Variants in ADGRB3 observed in about 807,000 individuals in gnomAD.
ADGRB3 encodes brain-specific angiogenesis inhibitor 3.
In ADGRB3, 37 loss-of-function variants were observed where a neutral mutation model predicts 193.4. The ratio of observed to expected loss-of-function variants is 0.19; its 90% CI spans 0.15 to 0.25. The LOEUF (loss-of-function observed/expected upper bound fraction) is 0.25, where lower values mean the gene tolerates loss of function less well. Ranked by LOEUF, ADGRB3 falls within the 10% of genes least tolerant of loss-of-function variation. ADGRB3 has a pLI of 1.00. For missense variants in ADGRB3, 1,637 were observed against 1,852.9 expected, an observed-to-expected ratio of 0.88 and a Z score of 2.14; for synonymous variants, 690 against 644.2, an observed-to-expected ratio of 1.07 and a Z score of -1.08.
At chr6:69,029,466 G>T (rs1770554005) in intron 13 of ADGRB3, among the ~76,000 whole-genome samples, 1 of 152,078 alleles carries the variant, frequency 6.6e-6, no homozygotes, top group Admixed American at 6.6e-5. Context: ...AATTTCTTTT[G>T]AATTTTTTAT....
chr6:69,012,163 C>T (rs544387080), intron 11 of ADGRB3, among the ~76,000 whole-genome samples: 18 of 151,940 alleles, frequency 1.2e-4, no homozygotes, highest in South Asian at 6.3e-4. Flanking sequence ...AAGGAGTCAC[C>T]GACCCACTGT....
chr6:68,736,028 T>C (rs1435190726), intron 3 of ADGRB3, among the ~76,000 whole-genome samples: 2 of 152,144 alleles, frequency 1.3e-5, no homozygotes, highest in East Asian at 1.9e-4. Context: ...GTTGTTGATT[T>C]AGAGACTGAG....
chr6:68,909,249 A>AT (rs988298486), intron 3 of ADGRB3, among the ~76,000 whole-genome samples: 77 of 152,118 alleles, frequency 5.1e-4, no homozygotes, highest in African/African-American at 1.8e-3. Flanking sequence ...CACATAATAT[A>AT]TTTTTTCTAG....
intron 11 of ADGRB3, among the ~76,000 whole-genome samples, chr6:69,013,694 G>A (rs1198569009): frequency 6.6e-6 from 1 of 152,140 alleles, no homozygotes; most frequent in East Asian, 1.9e-4. Flanking sequence ...AACAAATACA[G>A]ATGACTTTCA....
rs3799092 is a variant in ADGRB3 at position 69,355,514 on chromosome 6, G to A, written c.3556-307G>A. Among the ~76,000 whole-genome samples the A allele has an allele frequency of 1.9e-4, 29 of 152,272 alleles. No individual in the cohort carries two copies. In the East Asian group the frequency reaches 5.0e-3, roughly 26 times the overall value. On this transcript the variant is annotated intron_variant, in intron 27 of 31. Coordinates refer to ENST00000370598, the MANE Select transcript of ADGRB3 (RefSeq NM_001704.3). ...CATTCTGATGTCTTTATTATGGTTA[G>A]AGAATTGCCTTAAAATTCTATCCTT...
At chr6:69,010,807 A>C (rs2150283810) in intron 11 of ADGRB3, among the ~76,000 whole-genome samples, 1 of 151,880 alleles carries the variant, frequency 6.6e-6, no homozygotes, top group Middle Eastern at 3.4e-3. Context: ...AACAAAAAAA[A>C]GCAAAAAAAT....
rs766236225 is a variant in ADGRB3 at position 68,974,764 on chromosome 6, A to G, written c.1527A>G (p.Ala509=). 6 of 1,613,400 alleles carry G rather than the reference A, an allele frequency of 3.7e-6. No individual in the cohort carries two copies. Among genetic ancestry groups the G allele is most frequent in the Non-Finnish European group, 5.1e-6 (6 of 1,179,644 alleles). The change falls in exon 9 of 32, where the codon GCA becomes GCG. Residue 509 remains alanine, a splice_region_variant and synonymous_variant. Transcript: ENST00000370598. ...AAGTCCCTTTGTTTAAAATTGCAGC[A>G]CCTTATGAAATATGCCCTGAGGATT... ...VRRCNEQRCP[A]PYEICPEDYL... is the part of the protein sequence containing the mutation.
rs1307040223 is a variant in ADGRB3 at position 68,872,600 on chromosome 6, A to G, written c.758-57959A>G. On this transcript the variant is annotated intron_variant, in intron 3 of 31. Coordinates refer to ENST00000370598, the MANE Select transcript of ADGRB3 (RefSeq NM_001704.3). ...TTGCCAGGATTTAATGTTTGTATGC[A>G]GTATACACCAAAATGATTGGCCCTT... is the stretch of plus-strand genomic sequence containing the variant. 2.0e-5 allele frequency among the ~76,000 whole-genome samples: 3 copies of G among 152,266 alleles called. No individual in the cohort carries two copies. In the East Asian group the frequency reaches 5.8e-4, roughly 29 times the overall value.
intron 20 of ADGRB3, among the ~76,000 whole-genome samples, chr6:69,304,313 A>T (rs1768017290): frequency 6.6e-6 from 1 of 151,726 alleles, no homozygotes; most frequent in South Asian, 2.1e-4. Flanking sequence ...TAAGACAAAA[A>T]TATAACATCC....
chr6:68,882,695 A>G (rs1477290418), intron 3 of ADGRB3, among the ~76,000 whole-genome samples: 3 of 152,046 alleles, frequency 2.0e-5, no homozygotes, highest in Admixed American at 6.6e-5. Context: ...ACTGATACCA[A>G]TTATTTCAGG....
intron 3 of ADGRB3, among the ~76,000 whole-genome samples, chr6:68,763,336 C>T (rs1301905547): frequency 2.6e-5 from 4 of 152,170 alleles, no homozygotes; most frequent in Non-Finnish European, 5.9e-5. Context: ...GTGATCCGCC[C>T]GCCTTGGCCT....
chr6:68,857,627 T>A (rs927094465), intron 3 of ADGRB3, among the ~76,000 whole-genome samples: 2 of 152,236 alleles, frequency 1.3e-5, no homozygotes, highest in Admixed American at 6.5e-5. Flanking sequence ...TTTCTTTTTA[T>A]TTTACAGACT....
intron 17 of ADGRB3, among the ~76,000 whole-genome samples, chr6:69,138,890 A>G (rs143556087): frequency 6.6e-6 from 1 of 152,158 alleles, no homozygotes; most frequent in Non-Finnish European, 1.5e-5. Context: ...ATGCCTGTCA[A>G]AAGACTCTAG....
At chr6:69,285,629 C>G (rs1440549555) in intron 20 of ADGRB3, among the ~76,000 whole-genome samples, 3 of 152,072 alleles carry the variant, frequency 2.0e-5, no homozygotes, top group Admixed American at 1.3e-4. Flanking sequence ...CAAGACCACA[C>G]CACTGCACTC....
At chr6:68,754,899 T>G (rs943108644) in intron 3 of ADGRB3, among the ~76,000 whole-genome samples, 3 of 152,134 alleles carry the variant, frequency 2.0e-5, no homozygotes, top group Admixed American at 6.6e-5. Flanking sequence ...GCAAGGACAC[T>G]CAGCCAGATG....
intron 5 of ADGRB3, among the ~76,000 whole-genome samples, chr6:68,940,786 G>A (rs770632406): frequency 1.3e-5 from 2 of 151,948 alleles, no homozygotes; most frequent in Non-Finnish European, 2.9e-5. Flanking sequence ...CGGCTAGTCA[G>A]GAGGCTGAGG....
rs144107434 is a variant in ADGRB3, at chr6:68,639,308, G to T, written c.633G>T (p.Ser211=). 6 of 1,614,058 alleles carry T rather than the reference G, an allele frequency of 3.7e-6. No individual in the cohort carries two copies. Among genetic ancestry groups the T allele is most frequent in the South Asian group, 3.3e-5 (3 of 91,072 alleles). The part of the protein sequence containing the change: ...HLGEWGIDDQ[S]LILLNNVVLP... ...GAGAGTGGGGGATCGACGACCAGTC[G>T]CTGATTTTGTTAAATAACGTGGTGT... The change falls in exon 3 of 32, where the codon TCG becomes TCT. Residue 211 remains serine (S), a synonymous_variant. Coordinates refer to ENST00000370598, the MANE Select transcript of ADGRB3 (RefSeq NM_001704.3).
chr6:69,387,909 C>A (rs1307790603), intron 31 of ADGRB3, among the ~76,000 whole-genome samples: 1 of 151,700 alleles, frequency 6.6e-6, no homozygotes, highest in African/African-American at 2.4e-5. Context: ...ACATGACATT[C>A]TATAATGAAA....
rs751977565 is a variant in ADGRB3, at chr6:69,339,022, CCAAT to C, written c.3287+11_3287+14del. The stretch of plus-strand genomic sequence containing the variant: ...CACCGCCAGTAACGCCATGTTAGTC[CCAAT>C]CATTTACATCTTCTTGTTACAAATC... On this transcript the variant is annotated intron_variant, in intron 25 of 31. Transcript: ENST00000370598. 3 of 1,612,742 alleles carry C rather than the reference CCAAT, an allele frequency of 1.9e-6. No individual in the cohort carries two copies. The highest frequency in any genetic ancestry group is 2.5e-6 in the Non-Finnish European group (3 of 1,179,108).
Sources: allele counts gnomAD v4.1 joint callset (sites outside exome capture counted in the v4.1 genomes callset), GRCh38; gene constraint gnomAD v4.1.1; transcripts MANE v1.5; gene names NCBI Gene and HGNC (gene_info 2026-07-23, HGNC 2026-07-21).